PNPLA7: variants seen among roughly 807,000 people sequenced by gnomAD.
PNPLA7 encodes the protein patatin like domain 7, lysophospholipase.
Under a neutral mutation model 161.7 loss-of-function variants are expected in PNPLA7, and 153 were observed. The ratio of observed to expected loss-of-function variants is 0.95; its 90% CI spans 0.83 to 1.08. The LOEUF (loss-of-function observed/expected upper bound fraction) is 1.08, where lower values mean the gene tolerates loss of function less well. Among genes scored for constraint, PNPLA7 ranks in the 50% least tolerant of loss-of-function variants. PNPLA7 has a pLI of 0.00. For synonymous variants in PNPLA7, 809 were observed against 782.1 expected (o/e 1.03, Z -0.57); for missense variants, 1,739 against 1,856.6 (o/e 0.94, Z 1.16).
At position 137,543,264 on chromosome 9, in the gene PNPLA7, GC is replaced by G. The variant is rs1423598311; in HGVS notation, c.506+167del. Among the ~76,000 whole-genome samples the G allele has an allele frequency of 6.6e-6, 1 of 152,200 alleles. No homozygotes were observed. Among genetic ancestry groups the G allele is most frequent in the Non-Finnish European group, 1.5e-5 (1 of 68,048 alleles). ...AGAACAAGAAAGATCTGGTGAAGGA[GC>G]CAGCAGACCACGAGGCCCCGCCACG... On this transcript the variant is annotated intron_variant, in intron 6 of 34. Transcript: ENST00000406427. The surrounding 1 kb of genome is among the most constrained non-coding windows in gnomAD (Gnocchi z 6.9).
At chr9:137,493,815 G>A (rs1336151426) in intron 19 of PNPLA7, among the ~76,000 whole-genome samples, 1 of 152,256 alleles carries the variant, frequency 6.6e-6, no homozygotes, top group Non-Finnish European at 1.5e-5. Context: ...AACTGTGGCT[G>A]CCACCCTGGA....
chr9:137,546,838 T>C lies in PNPLA7; in HGVS notation c.265A>G (p.Met89Val), dbSNP rs974037698. The C allele has an allele frequency of 1.9e-6, 3 of 1,613,662 alleles. No homozygotes were observed. Among genetic ancestry groups the C allele is most frequent in the African/African-American group, 2.7e-5 (2 of 74,938 alleles). The change falls in exon 4 of 35, where the codon ATG becomes GTG. Residue 89 changes from methionine to valine, a missense_variant. By Grantham distance (21) the Met-to-Val change is conservative. This residue lies in a region of PNPLA7 where 209 missense variants were observed against 252.8 expected (regional missense o/e 0.83). Coordinates refer to ENST00000406427, the MANE Select transcript of PNPLA7 (RefSeq NM_001098537.3). ...CCCCGAGCAACAGCTACCTTCCTCA[T>C]GATCTTCCGGCCGTAAAACATCACT... ...DKVMFYGRKI[M>V]RKVTTLPNTL...
At position 137,540,613 on chromosome 9, in the gene PNPLA7, C is replaced by G; in HGVS notation, c.747+29G>C. 6.3e-7 allele frequency: 1 copy of G among 1,591,212 alleles called. No individual in the cohort carries two copies. The highest frequency in any genetic ancestry group is 8.6e-7 in the Non-Finnish European group (1 of 1,168,976). ...GGCCTCCGGGGCCAACCCAGGGGCGCCCGGAGGGCCAGGCAGCGGGGGACT... is the reference window on the plus strand; with the variant it reads ...GGCCTCCGGGGCCAACCCAGGGGCGGCCGGAGGGCCAGGCAGCGGGGGACT... On this transcript the variant is annotated intron_variant, in intron 8 of 34. Transcript: ENST00000406427. The surrounding 1 kb of genome is among the most constrained non-coding windows in gnomAD (Gnocchi z 5.1).
At chr9:137,513,622 A>G (rs1223590171) in intron 12 of PNPLA7, among the ~76,000 whole-genome samples, 1 of 152,186 alleles carries the variant, frequency 6.6e-6, no homozygotes, top group Non-Finnish European at 1.5e-5. Context: ...ACAAAAGAAC[A>G]TCAGGGTCCC....
At chr9:137,483,849 A>G (rs918066207) in intron 21 of PNPLA7, among the ~76,000 whole-genome samples, 6 of 152,218 alleles carry the variant, frequency 3.9e-5, no homozygotes, top group Admixed American at 1.3e-4. Context: ...AAATGTCTGT[A>G]TCAGGAGGGA....
At chr9:137,522,892 G>C (rs371458145) in intron 8 of PNPLA7, 35 bp from the exon 9 acceptor site, 149 of 1,606,864 alleles carry the variant, frequency 9.3e-5, no homozygotes, top group Non-Finnish European at 1.2e-4. Context: ...CCACTCTGTG[G>C]GCCTGGCCAA....
chr9:137,543,500 G>T lies in PNPLA7; in HGVS notation c.438C>A (p.Asp146Glu). 6.2e-7 allele frequency: 1 copy of T among 1,614,122 alleles called. No homozygotes were observed. Among genetic ancestry groups the T allele is most frequent in the Non-Finnish European group, 8.5e-7 (1 of 1,180,020 alleles). Residue 146 changes from aspartate to glutamate, a missense_variant, in exon 6 of 35, where the codon GAC (aspartate) becomes GAA (glutamate). Asp to Glu is a conservative substitution (Grantham distance 45). This residue lies in a region of PNPLA7 where 209 missense variants were observed against 252.8 expected (regional missense o/e 0.83). Transcript: ENST00000406427. This position sits in a 1 kb window ranked among gnomAD's most constrained non-coding sequence, Gnocchi z 6.9. Reference protein sequence around the residue: ...KEPPPSLLEADLTEFDVKNSH... With the variant: ...KEPPPSLLEAELTEFDVKNSH... ...AATTCTTCACGTCAAACTCCGTGAGGTCGGCCTCCAGCAGGGAGGGCGGGG... is the reference window on the plus strand; with the variant it reads ...AATTCTTCACGTCAAACTCCGTGAGTTCGGCCTCCAGCAGGGAGGGCGGGG...
chr9:137,492,743 G>A (rs1402127938), intron 20 of PNPLA7, among the ~76,000 whole-genome samples: 1 of 147,402 alleles, frequency 6.8e-6, no homozygotes, highest in Non-Finnish European at 1.5e-5. Context: ...CAGGGCTATG[G>A]GCTGGGTGGG....
In PNPLA7 at chr9:137,540,133, T is replaced by G. The variant is rs1320913000; in HGVS notation, c.747+509A>C. ...GTCTGCATCCCTGGGACCCTGCAAG[T>G]CCACCCTAGGATTTATCCTGCAGAT... On this transcript the variant is annotated intron_variant, in intron 8 of 34. Transcript: ENST00000406427. The surrounding 1 kb of genome is among the most constrained non-coding windows in gnomAD (Gnocchi z 5.1). 1.3e-5 allele frequency among the ~76,000 whole-genome samples: 2 copies of G among 152,160 alleles called. No individual in the cohort carries two copies. Among genetic ancestry groups the G allele is most frequent in the Non-Finnish European group, 2.9e-5 (2 of 68,034 alleles).
Position 137,502,994 on chromosome 9 carries a change from G to A in PNPLA7, c.1474-1267C>T, listed in dbSNP as rs116813997. Among the ~76,000 whole-genome samples the A allele has an allele frequency of 3.3e-3, 497 of 151,966 alleles. 3 individuals are homozygous for A. The highest frequency in any genetic ancestry group is 0.011 in the African/African-American group (454 of 41,382). ...AAACAAGGTGGGCTGTGGTGTGATC[G>A]TTACTGTGAGGGATGCTAGGTACTC... On this transcript the variant is annotated intron_variant, in intron 14 of 34. Coordinates refer to ENST00000406427, the MANE Select transcript of PNPLA7 (RefSeq NM_001098537.3).
In PNPLA7 at chr9:137,460,667, G is replaced by T. The variant is rs1831137118; in HGVS notation, c.3912C>A (p.Phe1304Leu). 6.2e-7 allele frequency: 1 copy of T among 1,612,846 alleles called. No homozygotes were observed. The change falls in exon 34 of 35, where the codon TTC becomes TTA. Residue 1304 changes from phenylalanine (F) to leucine (L), a missense_variant. Transcript: ENST00000406427. The stretch of plus-strand genomic sequence containing the variant: ...AGCCCTGCTGGGCTGAGGTGCTCTG[G>T]AAGTCTGCGTATGCATCCCTGGGGA... ...LDVPRDAYAD[F>L]QSTSAQQGSD...
chr9:137,500,733 C>T lies in PNPLA7; in HGVS notation c.1715G>A (p.Arg572Lys), dbSNP rs1406695713. The change falls in exon 16 of 35, where the codon AGG (arginine) becomes AAG (lysine). Residue 572 changes from arginine (R) to lysine (K), a missense_variant. Physicochemically the swap from Arg to Lys is conservative, Grantham distance 26. Coordinates refer to ENST00000406427, the MANE Select transcript of PNPLA7 (RefSeq NM_001098537.3). The surrounding 1 kb of genome is among the most constrained non-coding windows in gnomAD (Gnocchi z 5.5). ...EPLIFTVKANRDCSFLSISKA... is the reference protein window; with the variant it reads ...EPLIFTVKANKDCSFLSISKA... ...GGAGATGGACAGGAAGCTGCAGTCC[C>T]TGTTGGCCTTGACGGTGAAGATGAG... 1.2e-6 allele frequency: 2 copies of T among 1,612,406 alleles called. No individual in the cohort carries two copies. The highest frequency in any genetic ancestry group is 1.7e-6 in the Non-Finnish European group (2 of 1,179,882).
chr9:137,495,189 G>C, intron 18 of PNPLA7, 43 bp from the exon 19 acceptor site: 1 of 1,447,846 alleles, frequency 6.9e-7, no homozygotes, highest in Non-Finnish European at 9.5e-7. Context: ...GCTTGGGAGG[G>C]CCGAGCCAGC....
At chr9:137,502,696 G>T (rs1387462336) in intron 14 of PNPLA7, among the ~76,000 whole-genome samples, 4 of 65,792 alleles carry the variant, frequency 6.1e-5, no homozygotes, top group African/African-American at 1.1e-4. Flanking sequence ...GGGGGACGGG[G>T]GGGACGCGGG....
At chr9:137,491,171 A>T (rs1346431381) in intron 20 of PNPLA7, among the ~76,000 whole-genome samples, 1 of 152,084 alleles carries the variant, frequency 6.6e-6, no homozygotes, top group Non-Finnish European at 1.5e-5. Flanking sequence ...AGGGGGGGGG[A>T]ATCACTTGAC....
chr9:137,502,933 G>A (rs573035323), intron 14 of PNPLA7, among the ~76,000 whole-genome samples: 2 of 151,952 alleles, frequency 1.3e-5, no homozygotes, highest in South Asian at 4.2e-4. Context: ...TTGCTTCAAG[G>A]GGGGGCACCC....
Position 137,506,197 on chromosome 9 carries a change from C to T in PNPLA7, c.1226-114G>A, listed in dbSNP as rs971940670. ...ACCACACAGACCCCGGCAGCTCCCT[C>T]GAGGGAGTCGGGCCCTGAGATCCCT... On this transcript the variant is annotated intron_variant, in intron 12 of 34. Transcript: ENST00000406427. The T allele has an allele frequency of 1.1e-4, 86 of 793,894 alleles. 1 individual carries two copies. In the South Asian group the frequency reaches 1.3e-3, roughly 12 times the overall value. The allele number at this position is 793,894 out of a possible 1,614,324, so 49.2% of individuals were successfully genotyped here.
In PNPLA7 at chr9:137,462,385, G is replaced by C. The variant is rs1253013282; in HGVS notation, c.3493-54C>G. Reference sequence around the variant, plus strand: ...CTGCCCCGGCCCCTACCCCGTCCCAGCCTGGCCCGTGGCGCAGGACAGGTT... The same window carrying C: ...CTGCCCCGGCCCCTACCCCGTCCCACCCTGGCCCGTGGCGCAGGACAGGTT... On this transcript the variant is annotated intron_variant, in intron 30 of 34. Coordinates refer to ENST00000406427, the MANE Select transcript of PNPLA7 (RefSeq NM_001098537.3). 1.9e-6 allele frequency: 3 copies of C among 1,543,834 alleles called. No individual in the cohort carries two copies. In the East Asian group the frequency reaches 6.8e-5, roughly 35 times the overall value.
rs60524162 is a variant in PNPLA7 at position 137,545,231 on chromosome 9, G to C, written c.274-1416C>G. 0.011 allele frequency among the ~76,000 whole-genome samples: 1,692 copies of C among 152,258 alleles called. 123 individuals carry two copies. In the East Asian group the frequency reaches 0.2, roughly 18 times the overall value. ...CCCTGGCCCAGGGATCTGTGTCTAG[G>C]TTCCGGAACCACCCAGACATTCAAA... is the stretch of plus-strand genomic sequence containing the variant. On this transcript the variant is annotated intron_variant, in intron 4 of 34. Coordinates refer to ENST00000406427, the MANE Select transcript of PNPLA7 (RefSeq NM_001098537.3).
Sources: allele counts gnomAD v4.1 joint callset (sites outside exome capture counted in the v4.1 genomes callset), GRCh38; gene constraint gnomAD v4.1.1; regional missense constraint gnomAD v4.1.1; non-coding constraint Gnocchi (gnomAD v3.1); transcripts MANE v1.5; gene names NCBI Gene and HGNC (gene_info 2026-07-23, HGNC 2026-07-21).